BTBD9: variants seen among roughly 807,000 people sequenced by gnomAD.
The protein encoded by BTBD9 is BTB/POZ domain-containing protein 9.
BTBD9 carries 49 observed loss-of-function variants against 64.3 expected under a neutral mutation model. That is an observed-to-expected ratio of 0.76 (90% CI 0.61 to 0.97). BTBD9 has a LOEUF of 0.97. Ranked by LOEUF, BTBD9 falls within the 50% of genes least tolerant of loss-of-function variation. BTBD9 has a pLI of 0.00. For synonymous variants in BTBD9, 260 were observed against 274.7 expected, an observed-to-expected ratio of 0.95 and a Z score of 0.53; for missense variants, 598 against 762.1, an observed-to-expected ratio of 0.78 and a Z score of 2.53.
At chr6:38,412,357 T>C (rs1273884817) in intron 6 of BTBD9, among the ~76,000 whole-genome samples, 2 of 152,010 alleles carry the variant, frequency 1.3e-5, no homozygotes, top group African/African-American at 4.8e-5. Context: ...TATGCTCAAC[T>C]TCCTTCTCGA....
chr6:38,388,013 A>G (rs1766254180), intron 6 of BTBD9, among the ~76,000 whole-genome samples: 1 of 152,186 alleles, frequency 6.6e-6, no homozygotes, highest in Non-Finnish European at 1.5e-5. Flanking sequence ...TACCCTTTCT[A>G]ATCACAGTCC....
chr6:38,223,926 G>A (rs1184633609), intron 9 of BTBD9, among the ~76,000 whole-genome samples: 2 of 151,996 alleles, frequency 1.3e-5, no homozygotes, highest in South Asian at 2.1e-4. Context: ...AAAATAATGA[G>A]GTATGGCCTG....
At chr6:38,561,462 A>C (rs1343265980) in intron 6 of BTBD9, among the ~76,000 whole-genome samples, 1 of 152,222 alleles carries the variant, frequency 6.6e-6, no homozygotes, top group Non-Finnish European at 1.5e-5. Context: ...CCAAAGGAAA[A>C]TAAATTGTTT....
intron 10 of BTBD9, among the ~76,000 whole-genome samples, chr6:38,188,272 A>G (rs971453466): frequency 6.6e-6 from 1 of 152,232 alleles, no homozygotes; most frequent in Non-Finnish European, 1.5e-5. Context: ...AGGTCTCTCT[A>G]AACAGCCAGC....
chr6:38,311,194 T>A (rs1762815784), intron 7 of BTBD9, among the ~76,000 whole-genome samples: 1 of 148,342 alleles, frequency 6.7e-6, no homozygotes, highest in Non-Finnish European at 1.5e-5. Flanking sequence ...ATCTTATTCA[T>A]CCTATTTTTT....
intron 6 of BTBD9, among the ~76,000 whole-genome samples, chr6:38,475,919 C>CA (rs1190356949): frequency 6.6e-6 from 1 of 152,140 alleles, no homozygotes; most frequent in African/African-American, 2.4e-5. Context: ...CACGATGGCT[C>CA]TAGATTCAGT....
intron 4 of BTBD9, among the ~76,000 whole-genome samples, chr6:38,582,330 C>T (rs1415158449): frequency 2.6e-5 from 4 of 152,232 alleles, no homozygotes; most frequent in Non-Finnish European, 4.4e-5. Flanking sequence ...ACGTGCTAGA[C>T]ACTGTCCTAA....
rs545809985 is a variant in BTBD9 at position 38,256,988 on chromosome 6, T to C, written c.1455-472A>G. ...TTGTGTAAACAGTGGAGGCTCACTG[T>C]AGCCTCCAACTCCTAGGCTCAAGTG... On this transcript the variant is annotated intron_variant, in intron 8 of 10. Transcript: ENST00000481247. Among the ~76,000 whole-genome samples, 13 of 152,016 alleles carry C rather than the reference T, an allele frequency of 8.6e-5. 1 individual carries two copies. The highest frequency in any genetic ancestry group is 8.5e-4 in the Admixed American group (13 of 15,262).
intron 6 of BTBD9, among the ~76,000 whole-genome samples, chr6:38,478,088 G>C (rs1770973398): frequency 6.6e-6 from 1 of 152,154 alleles, no homozygotes; most frequent in African/African-American, 2.4e-5. Context: ...GTGCCTAAGA[G>C]GAAGCAGCAT....
At chr6:38,324,841 T>C (rs228184) in intron 7 of BTBD9, among the ~76,000 whole-genome samples, 52,129 of 151,884 alleles carry the variant, frequency 0.34, 9,032 homozygotes, top group East Asian at 0.47. Context: ...GCAAAGGAGA[T>C]AGACACAAGG....
intron 7 of BTBD9, among the ~76,000 whole-genome samples, chr6:38,315,338 T>A (rs971160278): frequency 3.9e-5 from 6 of 152,226 alleles, no homozygotes; most frequent in African/African-American, 1.4e-4. Context: ...TTTGGTTTGC[T>A]CTTGCTTTTC....
chr6:38,602,893 C>G (rs929125196), intron 1 of BTBD9, among the ~76,000 whole-genome samples: 7 of 152,018 alleles, frequency 4.6e-5, no homozygotes, highest in African/African-American at 1.7e-4. Context: ...ACAGGTAAAT[C>G]AGATACCTGG....
chr6:38,508,825 G>A (rs1038808805), intron 6 of BTBD9, among the ~76,000 whole-genome samples: 4 of 152,032 alleles, frequency 2.6e-5, no homozygotes, highest in African/African-American at 9.7e-5. Flanking sequence ...TCCAAGACAG[G>A]CTTTTGCCTT....
chr6:38,305,121 T>C (rs1419211873), intron 7 of BTBD9, among the ~76,000 whole-genome samples: 3 of 152,194 alleles, frequency 2.0e-5, no homozygotes, highest in Non-Finnish European at 4.4e-5. Context: ...TAACCTTGCT[T>C]AACATAGTTC....
intron 9 of BTBD9, among the ~76,000 whole-genome samples, chr6:38,214,178 A>T (rs10080616): frequency 6.6e-6 from 1 of 151,836 alleles, no homozygotes; most frequent in Non-Finnish European, 1.5e-5. Flanking sequence ...AAGGCCCCTC[A>T]CTCCCCACTG....
In BTBD9 at chr6:38,175,161, C is replaced by T; in HGVS notation, c.1663G>A (p.Glu555Lys). 1 of 1,614,218 alleles carries T rather than the reference C, an allele frequency of 6.2e-7. No homozygotes were observed. Among genetic ancestry groups the T allele is most frequent in the African/African-American group, 1.3e-5 (1 of 75,046 alleles). ...ANEVFHCVHF[E>K]CPEQQSSQKE... ...TGGCTGCTCTGCTGCTCTGGACACT[C>T]AAAGTGGACACAGTGGAACACCTGG... is the stretch of plus-strand genomic sequence containing the variant. Residue 555 changes from glutamate to lysine, a missense_variant, in exon 11 of 11, where the codon GAG becomes AAG. Physicochemically the swap from Glu to Lys is moderately conservative, Grantham distance 56. Coordinates refer to ENST00000481247, the MANE Select transcript of BTBD9 (RefSeq NM_001099272.2).
chr6:38,635,803 T>C (rs1236813612), intron 1 of BTBD9, among the ~76,000 whole-genome samples: 1 of 152,184 alleles, frequency 6.6e-6, no homozygotes, highest in Non-Finnish European at 1.5e-5. Flanking sequence ...TCTTTATAAA[T>C]TAAACTTAGA....
chr6:38,597,579 A>C (rs1200153692), intron 2 of BTBD9, among the ~76,000 whole-genome samples: 1 of 152,204 alleles, frequency 6.6e-6, no homozygotes, highest in African/African-American at 2.4e-5. Flanking sequence ...TGCAAAAAGA[A>C]GCTTTAGTCC....
At chr6:38,532,452 C>T (rs184692388) in intron 6 of BTBD9, among the ~76,000 whole-genome samples, 1 of 152,154 alleles carries the variant, frequency 6.6e-6, no homozygotes, top group East Asian at 1.9e-4. Flanking sequence ...TACTGAGACA[C>T]CAGCTAAGGA....
Sources: allele counts gnomAD v4.1 joint callset (sites outside exome capture counted in the v4.1 genomes callset), GRCh38; gene constraint gnomAD v4.1.1; transcripts MANE v1.5; gene names NCBI Gene and HGNC (gene_info 2026-07-23, HGNC 2026-07-21).